Variants in EYS observed in about 807,000 individuals in gnomAD.
EYS encodes the protein protein eyes shut homolog.
A neutral mutation model predicts 282.1 loss-of-function variants in EYS; 250 were observed. The observed-to-expected ratio is 0.89, with a 90% CI of 0.80 to 0.98. The LOEUF (loss-of-function observed/expected upper bound fraction) is 0.98, where lower values mean the gene tolerates loss of function less well. Ranked by LOEUF, EYS falls within the 50% of genes least tolerant of loss-of-function variation. EYS has a pLI of 0.00. For missense variants in EYS, 4,016 were observed against 3,709.0 expected, an observed-to-expected ratio of 1.08 and a Z score of -2.15; for synonymous variants, 1,355 against 1,282.9, an observed-to-expected ratio of 1.06 and a Z score of -1.20.
intron 12 of EYS, among the ~76,000 whole-genome samples, chr6:65,098,330 G>A (rs1485289322): frequency 6.6e-6 from 1 of 150,548 alleles, no homozygotes; most frequent in Non-Finnish European, 1.5e-5. Context: ...CTATAGCCTC[G>A]GGGTTTTAGA....
intron 14 of EYS, among the ~76,000 whole-genome samples, chr6:64,966,098 C>A (rs1770086278): frequency 6.6e-6 from 1 of 151,922 alleles, no homozygotes; most frequent in Non-Finnish European, 1.5e-5. Context: ...TTACTCCATG[C>A]CTTTGAGTTG....
At chr6:64,866,444 C>A (rs9351460) in intron 19 of EYS, among the ~76,000 whole-genome samples, 23,503 of 151,610 alleles carry the variant, frequency 0.16, 2,121 homozygotes, top group East Asian at 0.49. Context: ...CAGGTTTTTT[C>A]TTTAAATTTG....
intron 13 of EYS, among the ~76,000 whole-genome samples, chr6:65,005,316 C>G (rs1417952494): frequency 6.8e-6 from 1 of 147,898 alleles, no homozygotes; most frequent in African/African-American, 2.4e-5. Flanking sequence ...TTCCACGGTT[C>G]TCTTCCATGA....
intron 13 of EYS, among the ~76,000 whole-genome samples, chr6:64,998,764 A>G (rs1161622654): frequency 6.6e-6 from 1 of 152,220 alleles, no homozygotes; most frequent in Non-Finnish European, 1.5e-5. Flanking sequence ...CTGTGCTTCT[A>G]TGTTACACAT....
chr6:64,412,050 C>A (rs1263512808), intron 28 of EYS, among the ~76,000 whole-genome samples: 3 of 117,170 alleles, frequency 2.6e-5, no homozygotes, highest in Non-Finnish European at 3.8e-5. Flanking sequence ...CCAAATATAG[C>A]CTAGAAATTT....
intron 31 of EYS, among the ~76,000 whole-genome samples, chr6:64,183,924 G>C (rs1764857573): frequency 1.3e-5 from 2 of 151,536 alleles, no homozygotes; most frequent in South Asian, 2.1e-4. Context: ...AAAAAATTTT[G>C]TAACGCAATT....
intron 12 of EYS, among the ~76,000 whole-genome samples, chr6:65,092,811 A>G (rs1267078583): frequency 1.3e-5 from 2 of 152,180 alleles, no homozygotes; most frequent in East Asian, 1.9e-4. Flanking sequence ...AAAAGAGTGA[A>G]GAAAGCCTAA....
At chr6:65,380,799 T>C (rs1250072794) in intron 8 of EYS, among the ~76,000 whole-genome samples, 1 of 151,980 alleles carries the variant, frequency 6.6e-6, no homozygotes, top group East Asian at 1.9e-4. Context: ...CATCAAAAAA[T>C]GGGCAAAGTT....
intron 28 of EYS, among the ~76,000 whole-genome samples, chr6:64,414,441 T>C (rs1465645326): frequency 6.6e-6 from 1 of 152,054 alleles, no homozygotes; most frequent in Non-Finnish European, 1.5e-5. Flanking sequence ...ACCTAATATA[T>C]ACTATGTTCC....
Position 64,771,993 on chromosome 6 carries a change from T to C in EYS, c.3443+41385A>G, listed in dbSNP as rs943234266. 2.0e-5 allele frequency among the ~76,000 whole-genome samples: 3 copies of C among 151,930 alleles called. No individual in the cohort carries two copies. The East Asian group carries it at 5.8e-4, about 29-fold the overall frequency. ...TCTCGTGTAAATAGATACTGCTTTATTATTTTTCAAAATGTTAATATAATA... is the reference window on the plus strand; with the variant it reads ...TCTCGTGTAAATAGATACTGCTTTACTATTTTTCAAAATGTTAATATAATA... On this transcript the variant is annotated intron_variant, in intron 22 of 42. Coordinates refer to ENST00000503581, the MANE Select transcript of EYS (RefSeq NM_001142800.2).
intron 35 of EYS, among the ~76,000 whole-genome samples, chr6:63,904,776 T>C (rs1312156796): frequency 6.6e-6 from 1 of 152,226 alleles, no homozygotes; most frequent in Non-Finnish European, 1.5e-5. Flanking sequence ...GAATTATTTT[T>C]CTTAGAAGCC....
chr6:65,120,151 C>CAAAAAAAAAAAAA, intron 12 of EYS, among the ~76,000 whole-genome samples: 1 of 62,580 alleles, frequency 1.6e-5, no homozygotes, highest in Non-Finnish European at 3.1e-5. Flanking sequence ...GACTCCGTCT[C>CAAAAAAAAAAAAA]AAAAAAAAAA....
At chr6:64,090,238 T>C (rs948258016) in intron 31 of EYS, among the ~76,000 whole-genome samples, 1 of 152,170 alleles carries the variant, frequency 6.6e-6, no homozygotes, top group Non-Finnish European at 1.5e-5. Flanking sequence ...TTAGAAATTC[T>C]CCCTGAGTGA....
intron 12 of EYS, among the ~76,000 whole-genome samples, chr6:65,108,933 G>C (rs1406281365): frequency 6.6e-6 from 1 of 151,584 alleles, no homozygotes; most frequent in Non-Finnish European, 1.5e-5. Flanking sequence ...TGGTATACTT[G>C]AAAGTTCACT....
chr6:64,582,030 AT>A (rs1766086833), intron 26 of EYS, among the ~76,000 whole-genome samples: 1 of 152,204 alleles, frequency 6.6e-6, no homozygotes, highest in African/African-American at 2.4e-5. Flanking sequence ...ATTTACCCAT[AT>A]CGTTATATCA....
At chr6:64,184,338 C>A (rs1764870219) in intron 31 of EYS, among the ~76,000 whole-genome samples, 1 of 152,144 alleles carries the variant, frequency 6.6e-6, no homozygotes, top group African/African-American at 2.4e-5. Flanking sequence ...AGCTACCTAA[C>A]CATGTGCCTT....
At chr6:65,101,490 TAA>T (rs1002300033) in intron 12 of EYS, among the ~76,000 whole-genome samples, 8 of 151,226 alleles carry the variant, frequency 5.3e-5, no homozygotes, top group Admixed American at 2.0e-4. Flanking sequence ...TTACTCCACT[TAA>T]AAACATGAAT....
At chr6:65,408,162 A>G (rs571302588) in intron 5 of EYS, among the ~76,000 whole-genome samples, 4 of 152,218 alleles carry the variant, frequency 2.6e-5, no homozygotes, top group African/African-American at 9.6e-5. Context: ...GATAGAAAAA[A>G]ATATGTTTAT....
intron 26 of EYS, among the ~76,000 whole-genome samples, chr6:64,531,392 T>C (rs904338681): frequency 5.6e-5 from 2 of 35,726 alleles, no homozygotes; most frequent in African/African-American, 2.1e-4. Context: ...TTTTGTTTTT[T>C]GTTTTTTTTT....
Sources: gnomAD v4.1 joint callset for allele counts (sites outside exome capture counted in the v4.1 genomes callset) on GRCh38, gnomAD v4.1.1 for gene constraint, MANE v1.5 for transcripts, NCBI Gene and HGNC (gene_info 2026-07-23, HGNC 2026-07-21) for gene names.